Variants in DNAH5 observed in about 807,000 individuals in gnomAD.
DNAH5 encodes the protein axonemal beta dynein heavy chain 5.
DNAH5 carries 372 observed loss-of-function variants against 518.2 expected under a neutral mutation model. The ratio of observed to expected loss-of-function variants is 0.72; its 90% CI spans 0.66 to 0.78. DNAH5 has a LOEUF of 0.78. DNAH5 is among the 30% of genes least tolerant of loss of function. The pLI is 0.00. For missense variants in DNAH5, 5,523 were observed against 5,687.0 expected, an observed-to-expected ratio of 0.97 and a Z score of 0.93; for synonymous variants, 2,039 against 2,025.9, an observed-to-expected ratio of 1.01 and a Z score of -0.17.
At chr5:13,839,143 C>A (rs1764814777) in intron 35 of DNAH5, among the ~76,000 whole-genome samples, 1 of 152,158 alleles carries the variant, frequency 6.6e-6, no homozygotes, top group Non-Finnish European at 1.5e-5. Flanking sequence ...TTAAACTCTG[C>A]CTCTATAAGA....
chr5:13,979,933 T>G (rs1782555878), intron 1 of DNAH5, among the ~76,000 whole-genome samples: 1 of 151,540 alleles, frequency 6.6e-6, no homozygotes, highest in Non-Finnish European at 1.5e-5. Flanking sequence ...TCCGCCTCCT[T>G]GGTTCAAGTG....
chr5:13,714,359 G>C, intron 75 of DNAH5, 46 bp downstream of exon 75: 3 of 1,586,190 alleles, frequency 1.9e-6, no homozygotes, highest in South Asian at 2.2e-5. Context: ...CCCAACCGAA[G>C]ATATGCAACC....
At chr5:13,941,105 C>T (rs1779420794) in intron 1 of DNAH5, among the ~76,000 whole-genome samples, 1 of 152,156 alleles carries the variant, frequency 6.6e-6, no homozygotes, top group African/African-American at 2.4e-5. Context: ...GTTATCCCAG[C>T]ACTTTGGGAG....
chr5:13,766,280 CTGTTTTAAGTTAGAT>C, intron 58 of DNAH5, 101 bp from the exon 59 acceptor site: 1 of 1,337,274 alleles, frequency 7.5e-7, no homozygotes, highest in Non-Finnish European at 1.1e-6. Flanking sequence ...GGACAGAAAA[CTGTTTTAAGTTAGAT>C]GCAGGCCACA....
chr5:13,701,222 T>C (rs886385876), intron 77 of DNAH5, 62 bp downstream of exon 77: 30 of 1,605,200 alleles, frequency 1.9e-5, no homozygotes, highest in Non-Finnish European at 2.4e-5. Flanking sequence ...AAAACTATAA[T>C]GATGGAAAAT....
intron 23 of DNAH5, 76 bp downstream of exon 23, chr5:13,871,488 T>C (rs1287720447): frequency 2.3e-6 from 3 of 1,278,886 alleles, no homozygotes; most frequent in Non-Finnish European, 1.1e-6. Flanking sequence ...TAGAACTCTC[T>C]GGAATACAAA....
At position 13,916,054 on chromosome 5, in the gene DNAH5, A is replaced by G. The variant is rs1390702417; in HGVS notation, c.1197+294T>C. 2.6e-5 allele frequency among the ~76,000 whole-genome samples: 4 copies of G among 152,002 alleles called. 1 individual carries two copies. The highest frequency in any genetic ancestry group is 2.6e-4 in the Admixed American group (4 of 15,256). Reference sequence around the variant, plus strand: ...ATTAAAATTTACCCAGTAGGAATACATGATGTGCTAAACCACATAGGAAAG... The same window carrying G: ...ATTAAAATTTACCCAGTAGGAATACGTGATGTGCTAAACCACATAGGAAAG... On this transcript the variant is annotated intron_variant, in intron 9 of 78. Transcript: ENST00000265104.
chr5:14,000,860 C>T (rs1025004563), intron 1 of DNAH5, among the ~76,000 whole-genome samples: 4 of 152,104 alleles, frequency 2.6e-5, no homozygotes, highest in East Asian at 3.8e-4. Context: ...CATTGCAGCA[C>T]GGATTCACAA....
chr5:13,905,350 C>G (rs558521810), intron 12 of DNAH5, among the ~76,000 whole-genome samples: 1 of 152,160 alleles, frequency 6.6e-6, no homozygotes, highest in Non-Finnish European at 1.5e-5. Context: ...TTATAAAAAA[C>G]GAGCTCAGCC....
At chr5:13,858,309 A>C (rs1767911114) in intron 30 of DNAH5, among the ~76,000 whole-genome samples, 1 of 152,196 alleles carries the variant, frequency 6.6e-6, no homozygotes, top group Non-Finnish European at 1.5e-5. Context: ...TCAGAAAACT[A>C]GCACAGGAAT....
chr5:13,878,485 T>C (rs1020016309), intron 21 of DNAH5, among the ~76,000 whole-genome samples: 3 of 152,282 alleles, frequency 2.0e-5, no homozygotes, highest in East Asian at 3.9e-4. Flanking sequence ...AGAGAGCTAA[T>C]GAGGCAAACA....
intron 21 of DNAH5, among the ~76,000 whole-genome samples, chr5:13,880,598 A>T (rs1307493101): frequency 6.6e-6 from 1 of 152,076 alleles, no homozygotes; most frequent in Admixed American, 6.5e-5. Context: ...TATGCAATCA[A>T]AACTATGTTG....
intron 63 of DNAH5, 37 bp downstream of exon 63, chr5:13,753,196 T>G (rs753109347): frequency 6.5e-7 from 1 of 1,527,220 alleles, no homozygotes; most frequent in Non-Finnish European, 9.1e-7. Flanking sequence ...GCAATAAAAC[T>G]TAACCGGTAG....
chr5:13,733,886 A>G (rs1022147489), intron 68 of DNAH5, among the ~76,000 whole-genome samples: 5 of 151,976 alleles, frequency 3.3e-5, no homozygotes, highest in African/African-American at 1.2e-4. Context: ...AAGCATGAAA[A>G]TCTCCTGCTA....
At chr5:14,003,365 T>C (rs1308179769) in intron 1 of DNAH5, among the ~76,000 whole-genome samples, 1 of 152,236 alleles carries the variant, frequency 6.6e-6, no homozygotes, top group African/African-American at 2.4e-5. Context: ...TCATCCTATA[T>C]TGATTTGAAT....
chr5:13,908,737 C>A (rs1775648059), intron 12 of DNAH5, among the ~76,000 whole-genome samples: 1 of 152,142 alleles, frequency 6.6e-6, no homozygotes, highest in Admixed American at 6.5e-5. Flanking sequence ...CCCTCTTTGA[C>A]CTGTTAGTAC....
intron 52 of DNAH5, among the ~76,000 whole-genome samples, chr5:13,783,933 A>G (rs1755580230): frequency 1.3e-5 from 2 of 152,198 alleles, no homozygotes; most frequent in South Asian, 4.1e-4. Flanking sequence ...CAAAAACTCT[A>G]GTCACGGATT....
intron 1 of DNAH5, among the ~76,000 whole-genome samples, chr5:13,939,665 T>C (rs533289380): frequency 9.2e-5 from 14 of 152,270 alleles, no homozygotes; most frequent in Non-Finnish European, 2.1e-4. Context: ...ACCTGCTCTC[T>C]AATTGGCTGG....
rs147882360 is a variant in DNAH5 at position 13,762,811 on chromosome 5, G to A, written c.10192C>T (p.Arg3398Cys). ...AGACCAGCTACATTTCCACATACGC[G>A]TTTAGCAGTTTCGATGTTATAGTCA... The part of the protein sequence containing the change: ...MPDYNIETAK[R>C]VCGNVAGLCS... The change falls in exon 60 of 79, where the codon CGC (arginine) becomes TGC (cysteine). Residue 3398 changes from arginine (R) to cysteine (C), a missense_variant. This residue lies in a region of DNAH5 where 5,121 missense variants were observed against 5,223.3 expected (regional missense o/e 0.98). Coordinates refer to ENST00000265104, the MANE Select transcript of DNAH5 (RefSeq NM_001369.3). The A allele has an allele frequency of 2.2e-4, 348 of 1,613,860 alleles. 1 individual carries two copies. Among genetic ancestry groups the A allele is most frequent in the Non-Finnish European group, 2.8e-4 (327 of 1,179,854 alleles).
Sources: allele counts gnomAD v4.1 joint callset (sites outside exome capture counted in the v4.1 genomes callset), GRCh38; gene constraint gnomAD v4.1.1; regional missense constraint gnomAD v4.1.1; transcripts MANE v1.5; gene names NCBI Gene and HGNC (gene_info 2026-07-23, HGNC 2026-07-21).